The following SEC31A variants were observed in gnomAD, a reference collection of about 807,000 sequenced individuals.
SEC31A encodes protein transport protein Sec31A.
A neutral mutation model predicts 151.0 loss-of-function variants in SEC31A; 70 were observed. That is an observed-to-expected ratio of 0.46 (90% CI 0.38 to 0.57). The LOEUF is 0.57. SEC31A is among the 20% of genes least tolerant of loss of function. The pLI is 0.00. For synonymous variants in SEC31A, 475 were observed against 505.9 expected, an observed-to-expected ratio of 0.94 and a Z score of 0.82; for missense variants, 1,330 against 1,471.2, an observed-to-expected ratio of 0.90 and a Z score of 1.57.
rs201835939 is a variant in SEC31A at position 82,897,367 on chromosome 4, CAG to C, written c.-2+2344_-2+2345del. On this transcript the variant is annotated intron_variant, in intron 3 of 28. Coordinates refer to the SEC31A transcript ENST00000355196. The stretch of plus-strand genomic sequence containing the variant: ...CTCCATGGCTTTCTGAAACAAAAGA[CAG>C]AACTCAAACAATGAAAAATTCGGCA... Among the ~76,000 whole-genome samples, 1,321 of 152,106 alleles carry C rather than the reference CAG, an allele frequency of 8.7e-3. 19 individuals are homozygous for C. Among genetic ancestry groups the C allele is most frequent in the African/African-American group, 0.03 (1,232 of 41,470 alleles).
chr4:82,890,447 T>C (rs542559479), intron 1 of SEC31A, among the ~76,000 whole-genome samples: 2 of 152,200 alleles, frequency 1.3e-5, no homozygotes, highest in Non-Finnish European at 2.9e-5. Context: ...ATTAATTCCT[T>C]AAGCGCAAGA....
chr4:82,821,570 A>AAAAG (rs1723362357), intron 25 of SEC31A: 1 of 152,170 alleles, frequency 6.6e-6, no homozygotes, highest in Non-Finnish European at 1.4e-5. Flanking sequence ...AAAAAAAAAA[A>AAAAG]GAAACTTGAA....
intron 24 of SEC31A, among the ~76,000 whole-genome samples, chr4:82,825,981 G>T (rs755604201): frequency 2.0e-5 from 3 of 152,188 alleles, no homozygotes; most frequent in Non-Finnish European, 2.9e-5. Context: ...AGGAAACAAG[G>T]AAAGATGACT....
intron 5 of SEC31A, among the ~76,000 whole-genome samples, 195 bp downstream of exon 5, chr4:82,875,532 T>TA (rs1349764164): frequency 6.6e-6 from 1 of 152,216 alleles, no homozygotes; most frequent in African/African-American, 2.4e-5. Flanking sequence ...ACTAAATAAA[T>TA]ATTTACTCTT....
At chr4:82,886,333 G>C (rs1327686429) in intron 1 of SEC31A, among the ~76,000 whole-genome samples, 1 of 152,092 alleles carries the variant, frequency 6.6e-6, no homozygotes, top group Non-Finnish European at 1.5e-5. Flanking sequence ...ATGATACTTT[G>C]GACACATTAT....
chr4:82,823,231 C>T (rs1723782635), intron 25 of SEC31A, among the ~76,000 whole-genome samples: 1 of 152,172 alleles, frequency 6.6e-6, no homozygotes, highest in Non-Finnish European at 1.5e-5. Context: ...CGTGTCTTCC[C>T]AACCTCTCTA....
At chr4:82,890,156 C>A (rs913276080) in intron 1 of SEC31A, among the ~76,000 whole-genome samples, 5 of 134,416 alleles carry the variant, frequency 3.7e-5, no homozygotes, top group African/African-American at 1.4e-4. Context: ...GAGCTGAGAT[C>A]GCGCCACTGC....
intron 22 of SEC31A, chr4:82,830,919 AT>A: frequency 8.5e-7 from 1 of 1,171,704 alleles, no homozygotes; most frequent in Admixed American, 2.9e-5. Flanking sequence ...CCAAAGGTAT[AT>A]TTTACAACCA....
chr4:82,863,218 T>TA (rs1734565713), intron 12 of SEC31A, 100 bp downstream of exon 12: 1 of 718,894 alleles, frequency 1.4e-6, no homozygotes, highest in Admixed American at 3.3e-5. Flanking sequence ...AAATTATTAT[T>TA]AAATGTTTAT....
chr4:82,880,183 C>CA (rs1183099932), intron 3 of SEC31A, among the ~76,000 whole-genome samples: 48 of 137,320 alleles, frequency 3.5e-4, no homozygotes, highest in African/African-American at 1.1e-3. Flanking sequence ...AACTCCATCT[C>CA]AAAAAAAAAA....
chr4:82,844,288 A>C, intron 21 of SEC31A, 98 bp downstream of exon 21: 1 of 1,302,624 alleles, frequency 7.7e-7, no homozygotes, highest in Non-Finnish European at 1.1e-6. Flanking sequence ...AATGGTTCTT[A>C]CTTATTGATT....
intron 10 of SEC31A, 119 bp downstream of exon 10, chr4:82,866,689 C>A (rs965834530): frequency 2.2e-6 from 2 of 892,150 alleles, no homozygotes; most frequent in Non-Finnish European, 3.2e-6. Flanking sequence ...GAAATACCCA[C>A]AAGTACATCT....
chr4:82,859,820 C>G (rs1162253214), intron 14 of SEC31A, among the ~76,000 whole-genome samples: 54 of 144,962 alleles, frequency 3.7e-4, no homozygotes, highest in African/African-American at 1.3e-3. Flanking sequence ...GAGACAGGGT[C>G]TCGCTCTGTC....
chr4:82,866,941 T>G lies in SEC31A; in HGVS notation c.1064A>C (p.Asn355Thr). Reference protein sequence around the residue: ...QVDKLSSSFGNLDPFGTGQPL... With the variant: ...QVDKLSSSFGTLDPFGTGQPL... ...CTGTCCTGTGCCAAAGGGATCAAGA[T>G]TCCCAAAAGATGATGAAAGCTAAAA... The change falls in exon 10 of 27, where the codon AAT becomes ACT. Residue 355 changes from asparagine (N) to threonine (T), a missense_variant. By Grantham distance (65) the Asn-to-Thr change is moderately conservative. Coordinates refer to ENST00000395310, the MANE Select transcript of SEC31A (RefSeq NM_001077207.4). 3.7e-6 allele frequency: 6 copies of G among 1,610,722 alleles called. No individual in the cohort carries two copies. The highest frequency in any genetic ancestry group is 5.1e-6 in the Non-Finnish European group (6 of 1,179,228).
At chr4:82,854,377 A>AG (rs1031695094) in intron 17 of SEC31A, among the ~76,000 whole-genome samples, 5 of 152,080 alleles carry the variant, frequency 3.3e-5, no homozygotes, top group African/African-American at 1.2e-4. Flanking sequence ...AAAAAAAAAA[A>AG]AAAGCAGTTA....
intron 19 of SEC31A, among the ~76,000 whole-genome samples, chr4:82,850,019 G>A (rs28465224): frequency 4.9e-4 from 75 of 151,658 alleles, no homozygotes; most frequent in African/African-American, 1.8e-3. Flanking sequence ...GTCTCAGGAC[G>A]TATTCCCCCC....
intron 22 of SEC31A, among the ~76,000 whole-genome samples, chr4:82,839,385 A>G (rs1400705377): frequency 2.6e-5 from 4 of 152,308 alleles, no homozygotes; most frequent in African/African-American, 9.6e-5. Context: ...TCCTGACCTC[A>G]GGTGATCCGC....
At chr4:82,851,154 A>G (rs1475388332) in intron 19 of SEC31A, among the ~76,000 whole-genome samples, 1 of 152,234 alleles carries the variant, frequency 6.6e-6, no homozygotes, top group Non-Finnish European at 1.5e-5. Context: ...TGGCTTTAGA[A>G]ATAAAAAGTT....
chr4:82,858,368 A>ACC (rs1057503924), intron 14 of SEC31A, among the ~76,000 whole-genome samples: 8 of 151,840 alleles, frequency 5.3e-5, no homozygotes, highest in African/African-American at 1.9e-4. Context: ...ACATGGTGAA[A>ACC]CCCCGTCTCT....
Sources: allele counts gnomAD v4.1 joint callset (sites outside exome capture counted in the v4.1 genomes callset), GRCh38; gene constraint gnomAD v4.1.1; transcripts MANE v1.5; gene names NCBI Gene and HGNC (gene_info 2026-07-23, HGNC 2026-07-21).